The following GALNT18 variants were observed in gnomAD, a reference collection of about 807,000 sequenced individuals.
The protein encoded by GALNT18 is GalNAc-transferase 18.
GALNT18 carries 44 observed loss-of-function variants against 69.5 expected under a neutral mutation model. The observed-to-expected ratio is 0.63, with a 90% CI of 0.50 to 0.81. The LOEUF is 0.81. Ranked by LOEUF, GALNT18 falls within the 40% of genes least tolerant of loss-of-function variation. GALNT18 has a pLI of 0.00. For synonymous variants in GALNT18, 364 were observed against 318.2 expected (o/e 1.14, Z -1.53); for missense variants, 715 against 810.0 (o/e 0.88, Z 1.42).
chr11:11,378,831 A>G (rs935867090), intron 4 of GALNT18, among the ~76,000 whole-genome samples: 1 of 152,086 alleles, frequency 6.6e-6, no homozygotes, highest in African/African-American at 2.4e-5. Flanking sequence ...GTCACATGTG[A>G]TGTCACCATG....
rs1858829456 is a variant in GALNT18, at chr11:11,573,043, A to G, written c.235+48316T>C. 6.6e-6 allele frequency among the ~76,000 whole-genome samples: 1 copy of G among 152,084 alleles called. No homozygotes were observed. The highest frequency in any genetic ancestry group is 1.5e-5 in the Non-Finnish European group (1 of 68,008). ...GGAGGACGTTATCTTAGCCCATTTT[A>G]CAGATGAGAAACCTGGGTCTCAGAG... On this transcript the variant is annotated intron_variant, in intron 1 of 10. Coordinates refer to ENST00000227756, the MANE Select transcript of GALNT18 (RefSeq NM_198516.3). This position sits in a 1 kb window ranked among gnomAD's most constrained non-coding sequence, Gnocchi z 4.6.
At position 11,602,803 on chromosome 11, in the gene GALNT18, G is replaced by T. The variant is rs1365748290; in HGVS notation, c.235+18556C>A. On this transcript the variant is annotated intron_variant, in intron 1 of 10. Transcript: ENST00000227756. The surrounding 1 kb of genome is among the most constrained non-coding windows in gnomAD (Gnocchi z 4.7). ...CATTTAGAGAACAGCTGGCTCTATT[G>T]ATCAGTGCTCTGTTTACTTCACTTT... is the stretch of plus-strand genomic sequence containing the variant. Among the ~76,000 whole-genome samples, 4 of 152,164 alleles carry T rather than the reference G, an allele frequency of 2.6e-5. No individual in the cohort carries two copies. The highest frequency in any genetic ancestry group is 9.7e-5 in the African/African-American group (4 of 41,434).
rs369837884 is a variant in GALNT18, at chr11:11,548,182, C to T, written c.235+73177G>A. ...TGACACTGTGAACAGCCAATGGTTG[C>T]ATGAATAAAGCCAGCACAGGCTGCA... On this transcript the variant is annotated intron_variant, in intron 1 of 10. Coordinates refer to ENST00000227756, the MANE Select transcript of GALNT18 (RefSeq NM_198516.3). Among the ~76,000 whole-genome samples the T allele has an allele frequency of 4.6e-5, 7 of 152,344 alleles. No homozygotes were observed. In the South Asian group the frequency reaches 1.4e-3, roughly 32 times the overall value.
chr11:11,447,581 A>G (rs1265353306), intron 2 of GALNT18, among the ~76,000 whole-genome samples: 1 of 152,166 alleles, frequency 6.6e-6, no homozygotes, highest in African/African-American at 2.4e-5. Flanking sequence ...AGGAGGTTCA[A>G]TTGACTCACA....
In GALNT18 at chr11:11,583,994, T is replaced by C. The variant is rs977661352; in HGVS notation, c.235+37365A>G. 2.6e-5 allele frequency among the ~76,000 whole-genome samples: 4 copies of C among 152,064 alleles called. No homozygotes were observed. The East Asian group carries it at 5.8e-4, about 22-fold the overall frequency. On this transcript the variant is annotated intron_variant, in intron 1 of 10. Transcript: ENST00000227756. This position sits in a 1 kb window ranked among gnomAD's most constrained non-coding sequence, Gnocchi z 4.7. ...ATGAAATAGAGATGAACTGAATTCT[T>C]GTGAGGACATAGGAATTCGAAAAGG...
intron 3 of GALNT18, among the ~76,000 whole-genome samples, chr11:11,400,480 G>A (rs1387616202): frequency 2.0e-5 from 3 of 152,188 alleles, no homozygotes; most frequent in African/African-American, 7.2e-5. Flanking sequence ...CCTGTCTAAC[G>A]AAGGTGTCTT....
chr11:11,433,223 C>T (rs896621582), intron 2 of GALNT18, among the ~76,000 whole-genome samples: 6 of 152,370 alleles, frequency 3.9e-5, no homozygotes, highest in South Asian at 2.1e-4. Context: ...GAGACAAAGA[C>T]GCCTCCTCCC....
intron 3 of GALNT18, among the ~76,000 whole-genome samples, chr11:11,381,500 T>A (rs1348033595): frequency 6.6e-6 from 1 of 152,208 alleles, no homozygotes; most frequent in Non-Finnish European, 1.5e-5. Context: ...TGAGGATGAT[T>A]GCTACCAAAT....
chr11:11,452,034 A>G (rs753224909), intron 1 of GALNT18, among the ~76,000 whole-genome samples: 15 of 152,152 alleles, frequency 9.9e-5, no homozygotes, highest in Non-Finnish European at 5.9e-5. Flanking sequence ...TATGACAGAG[A>G]TGATATGACC....
intron 1 of GALNT18, among the ~76,000 whole-genome samples, chr11:11,585,481 G>C (rs1859193033): frequency 6.6e-6 from 1 of 151,932 alleles, no homozygotes; most frequent in Non-Finnish European, 1.5e-5. Flanking sequence ...TCAGCCTCCG[G>C]AGTAGCTGGG....
chr11:11,325,337 A>G (rs1434883593), intron 9 of GALNT18, among the ~76,000 whole-genome samples: 1 of 152,156 alleles, frequency 6.6e-6, no homozygotes, highest in Non-Finnish European at 1.5e-5. Context: ...AGAATGACAT[A>G]ATGGATTTTG....
chr11:11,283,043 C>T (rs73415667), intron 10 of GALNT18, among the ~76,000 whole-genome samples: 158 of 152,184 alleles, frequency 1.0e-3, no homozygotes, highest in African/African-American at 3.6e-3. Context: ...GGAGGTGGCC[C>T]ACGGCAGAAA....
chr11:11,473,492 TA>T (rs1856318551), intron 1 of GALNT18, among the ~76,000 whole-genome samples: 1 of 151,540 alleles, frequency 6.6e-6, no homozygotes, highest in Non-Finnish European at 1.5e-5. Flanking sequence ...ATTTAGCATT[TA>T]GAAAGCCTGA....
At chr11:11,400,573 G>A (rs1024852875) in intron 3 of GALNT18, among the ~76,000 whole-genome samples, 1 of 152,156 alleles carries the variant, frequency 6.6e-6, no homozygotes, top group East Asian at 1.9e-4. Flanking sequence ...AGTTCTGAAG[G>A]CTGGGGAGTT....
intron 1 of GALNT18, among the ~76,000 whole-genome samples, chr11:11,522,200 C>T (rs1857415072): frequency 1.3e-5 from 2 of 152,188 alleles, no homozygotes; most frequent in East Asian, 3.9e-4. Context: ...CATGACCTCT[C>T]CTCATTCTGG....
chr11:11,539,980 AG>A (rs1664648650), intron 1 of GALNT18, among the ~76,000 whole-genome samples: 2 of 152,230 alleles, frequency 1.3e-5, no homozygotes, highest in African/African-American at 4.8e-5. Context: ...CTGGATTTCC[AG>A]TACCAATGGG....
intron 1 of GALNT18, among the ~76,000 whole-genome samples, chr11:11,473,304 A>G (rs764591668): frequency 5.3e-5 from 8 of 152,262 alleles, no homozygotes; most frequent in African/African-American, 9.6e-5. Flanking sequence ...TTGAGCAATC[A>G]AATGAAAGCA....
At chr11:11,535,182 G>A (rs1857747895) in intron 1 of GALNT18, among the ~76,000 whole-genome samples, 1 of 152,226 alleles carries the variant, frequency 6.6e-6, no homozygotes, top group African/African-American at 2.4e-5. Flanking sequence ...GAATGAGTGT[G>A]AACAGCTGCT....
chr11:11,401,391 G>T (rs1301669746), intron 3 of GALNT18, among the ~76,000 whole-genome samples: 2 of 152,148 alleles, frequency 1.3e-5, no homozygotes, highest in Non-Finnish European at 1.5e-5. Context: ...TGTGACTTCA[G>T]CTCTGATGAG....
Sources: allele counts gnomAD v4.1 joint callset (sites outside exome capture counted in the v4.1 genomes callset), GRCh38; gene constraint gnomAD v4.1.1; non-coding constraint Gnocchi (gnomAD v3.1); transcripts MANE v1.5; gene names NCBI Gene and HGNC (gene_info 2026-07-23, HGNC 2026-07-21).